Variants in TTL observed in about 807,000 individuals in gnomAD.
The protein encoded by TTL is tubulin--tyrosine ligase.
TTL carries 10 observed loss-of-function variants against 41.1 expected under a neutral mutation model. That is an observed-to-expected ratio of 0.24 (90% CI 0.15 to 0.41). TTL has a LOEUF of 0.41. TTL is among the 10% of genes least tolerant of loss of function. TTL has a pLI of 1.00. For missense variants in TTL, 367 were observed against 460.4 expected (o/e 0.80, Z 1.86); for synonymous variants, 175 against 175.5 (o/e 1.00, Z 0.02).
intron 6 of TTL, chr2:112,522,633 G>T (rs1682270147): frequency 6.6e-6 from 1 of 152,454 alleles, no homozygotes; most frequent in Non-Finnish European, 1.5e-5. Flanking sequence ...CAGAGATGCA[G>T]ACTAGTATCT....
At chr2:112,510,365 G>A (rs1303361061) in intron 5 of TTL, among the ~76,000 whole-genome samples, 1 of 152,144 alleles carries the variant, frequency 6.6e-6, no homozygotes, top group Non-Finnish European at 1.5e-5. Flanking sequence ...CTGGGCTCAA[G>A]CAGCCCTCCC....
In TTL at chr2:112,503,197, C is replaced by T; in HGVS notation, c.875+16C>T. ...ATATAATAAGGTAACTTAATTGTAT[C>T]TTTTTGGATTACGTGTTTCTTCTTG... On this transcript the variant is annotated intron_variant, in intron 5 of 6. Transcript: ENST00000233336. 6.4e-7 allele frequency: 1 copy of T among 1,556,182 alleles called. No homozygotes were observed. Among genetic ancestry groups the T allele is most frequent in the South Asian group, 1.2e-5 (1 of 84,648 alleles).
At chr2:112,513,680 C>CA (rs1001239318) in intron 5 of TTL, among the ~76,000 whole-genome samples, 2 of 148,152 alleles carry the variant, frequency 1.3e-5, no homozygotes, top group African/African-American at 4.9e-5. Flanking sequence ...TAATATTAAG[C>CA]AAAAAAATGC....
At chr2:112,515,044 C>T (rs567684852) in intron 5 of TTL, among the ~76,000 whole-genome samples, 10 of 152,222 alleles carry the variant, frequency 6.6e-5, no homozygotes, top group African/African-American at 1.9e-4. Context: ...TTTTAGTTAG[C>T]GTGCTTTTTA....
At chr2:112,494,030 A>G in intron 2 of TTL, 113 bp from the exon 3 acceptor site, 1 of 738,640 alleles carries the variant, frequency 1.4e-6, no homozygotes, top group South Asian at 1.9e-5. Flanking sequence ...ATGTTAGAAG[A>G]CTGAGTCATG....
intron 5 of TTL, among the ~76,000 whole-genome samples, chr2:112,513,720 C>T (rs1681991850): frequency 6.6e-6 from 1 of 151,422 alleles, no homozygotes; most frequent in Non-Finnish European, 1.5e-5. Flanking sequence ...AAGATGCATA[C>T]AAATTTATTT....
chr2:112,501,175 A>T, intron 3 of TTL, 31 bp from the exon 4 acceptor site: 1 of 1,588,994 alleles, frequency 6.3e-7, no homozygotes, highest in East Asian at 2.3e-5. Context: ...TTTGAATTGG[A>T]TTGGTTTGTC....
chr2:112,526,754 A>AT (rs1682383882), intron 6 of TTL, among the ~76,000 whole-genome samples: 3 of 152,084 alleles, frequency 2.0e-5, no homozygotes, highest in African/African-American at 7.2e-5. Context: ...GGATTCATTG[A>AT]TTTTTTGAAG....
intron 3 of TTL, among the ~76,000 whole-genome samples, chr2:112,498,687 G>A (rs1027853452): frequency 6.6e-5 from 10 of 151,340 alleles, no homozygotes; most frequent in African/African-American, 2.4e-4. Context: ...GTGGATCACC[G>A]GAGGTCAGGA....
In TTL at chr2:112,529,515, A is replaced by G. The variant is rs1044175460; in HGVS notation, c.*720A>G. The stretch of plus-strand genomic sequence containing the variant: ...AAAACATGATATATTGCTTTACTTA[A>G]TAGGTTGAATATGGTAGGTCTTTGA... On this transcript the variant is annotated 3_prime_UTR_variant, in exon 7 of 7. Coordinates refer to ENST00000233336, the MANE Select transcript of TTL (RefSeq NM_153712.5). 3.9e-5 allele frequency: 9 copies of G among 229,048 alleles called. No individual in the cohort carries two copies. In the South Asian group the frequency reaches 5.5e-4, roughly 14 times the overall value. 14.2% of individuals were successfully genotyped at this position (229,048 alleles called of 1,614,324 possible). A position where few individuals can be genotyped will look rare whatever the true frequency, so the allele number is the denominator to read the frequency against.
chr2:112,519,353 T>G (rs962790804), intron 5 of TTL, among the ~76,000 whole-genome samples: 3 of 152,344 alleles, frequency 2.0e-5, no homozygotes, highest in African/African-American at 7.2e-5. Context: ...AGACCTCATG[T>G]ACTTGTTCAT....
chr2:112,528,003 G>A (rs1328285716), intron 6 of TTL, among the ~76,000 whole-genome samples: 1 of 152,178 alleles, frequency 6.6e-6, no homozygotes, highest in African/African-American at 2.4e-5. Context: ...TGTAAGGCAG[G>A]CCTGGTGGTG....
chr2:112,487,655 T>G (rs1574053046), intron 2 of TTL, among the ~76,000 whole-genome samples: 1 of 152,282 alleles, frequency 6.6e-6, no homozygotes, highest in East Asian at 1.9e-4. Flanking sequence ...ATCTGTAAAA[T>G]GGGGATGGAT....
chr2:112,486,534 G>T (rs558972699), intron 2 of TTL, among the ~76,000 whole-genome samples: 46 of 152,308 alleles, frequency 3.0e-4, no homozygotes, highest in African/African-American at 1.1e-3. Flanking sequence ...TTCTCTCATG[G>T]CTGTAAGGGG....
chr2:112,531,466 G>A lies in TTL; in HGVS notation c.*2671G>A, dbSNP rs927470333. 4.4e-6 allele frequency: 1 copy of A among 229,610 alleles called. No individual in the cohort carries two copies. Among genetic ancestry groups the A allele is most frequent in the African/African-American group, 2.2e-5 (1 of 45,244 alleles). The allele number at this position is 229,610 out of a possible 1,614,324, so 14.2% of individuals were successfully genotyped here. On this transcript the variant is annotated 3_prime_UTR_variant, in exon 7 of 7. Transcript: ENST00000233336. ...TTTTGATGAGGACAAGTGACAGTAG[G>A]AAGATGCAAGAGCCTTTAGTACCAA...
chr2:112,523,845 G>A (rs1682307353), intron 6 of TTL, among the ~76,000 whole-genome samples: 1 of 151,854 alleles, frequency 6.6e-6, no homozygotes, highest in Non-Finnish European at 1.5e-5. Flanking sequence ...TGCACAATGT[G>A]TAGGTTTGTT....
chr2:112,509,809 C>T (rs574364170), intron 5 of TTL, among the ~76,000 whole-genome samples: 5 of 152,172 alleles, frequency 3.3e-5, no homozygotes, highest in South Asian at 2.1e-4. Context: ...AGCTGTAGAC[C>T]GGAGCTGTTC....
chr2:112,482,258 C>T lies in TTL; in HGVS notation c.-87C>T. ...GGCGGGGGCCGGGCCGCGGCGGGCG[C>T]CCGGGCGGGGTCCGCGCTGAGCCGC... On this transcript the variant is annotated 5_prime_UTR_variant, in exon 1 of 7. Coordinates refer to ENST00000233336, the MANE Select transcript of TTL (RefSeq NM_153712.5). This position sits in a 1 kb window ranked among gnomAD's most constrained non-coding sequence, Gnocchi z 5.3. 1 of 951,448 alleles carries T rather than the reference C, an allele frequency of 1.1e-6. No homozygotes were observed. Among genetic ancestry groups the T allele is most frequent in the Non-Finnish European group, 1.2e-6 (1 of 801,522 alleles). 58.9% of individuals were successfully genotyped at this position (951,448 alleles called of 1,614,324 possible).
rs371924216 is a variant in TTL, at chr2:112,501,190, G to T, written c.470-16G>T. On this transcript the variant is annotated splice_polypyrimidine_tract_variant and intron_variant, in intron 3 of 6. Coordinates refer to ENST00000233336, the MANE Select transcript of TTL (RefSeq NM_153712.5). ...TTTGAATTGGATTGGTTTGTCTTTTGCTTTTTCCCTGTTAGGTGAAGGCAT... is the reference window on the plus strand; with the variant it reads ...TTTGAATTGGATTGGTTTGTCTTTTTCTTTTTCCCTGTTAGGTGAAGGCAT... The T allele has an allele frequency of 2.4e-5, 39 of 1,599,704 alleles. No individual in the cohort carries two copies. Among genetic ancestry groups the T allele is most frequent in the Admixed American group, 1.3e-4 (7 of 55,796 alleles).
Sources: gnomAD v4.1 joint callset for allele counts (sites outside exome capture counted in the v4.1 genomes callset) on GRCh38, gnomAD v4.1.1 for gene constraint, Gnocchi (gnomAD v3.1) non-coding constraint, MANE v1.5 for transcripts, NCBI Gene and HGNC (gene_info 2026-07-23, HGNC 2026-07-21) for gene names.